The following CNTN6 variants were observed in gnomAD, a reference collection of about 807,000 sequenced individuals.
The protein encoded by CNTN6 is contactin-6.
A neutral mutation model predicts 122.8 loss-of-function variants in CNTN6; 137 were observed. The observed-to-expected ratio is 1.12, with a 90% CI of 0.97 to 1.29. The LOEUF is 1.29. Among genes scored for constraint, CNTN6 ranks in the 50% most tolerant of loss-of-function variants. CNTN6 has a pLI of 0.00. For missense variants in CNTN6, 1,634 were observed against 1,223.4 expected (o/e 1.34, Z -5.01); for synonymous variants, 570 against 426.0 (o/e 1.34, Z -4.16).
At chr3:1,309,829 G>A (rs1269447106) in intron 7 of CNTN6, among the ~76,000 whole-genome samples, 2 of 152,044 alleles carry the variant, frequency 1.3e-5, no homozygotes, top group African/African-American at 4.8e-5. Flanking sequence ...ATAGTTTTCT[G>A]CATGTAAATT....
At chr3:1,302,916 C>G (rs1186536976) in intron 7 of CNTN6, among the ~76,000 whole-genome samples, 1 of 150,208 alleles carries the variant, frequency 6.7e-6, no homozygotes, top group East Asian at 2.0e-4. Flanking sequence ...AATCTCCCTT[C>G]TGTCCAAGTT....
At chr3:1,220,155 A>C (rs2094188027) in intron 2 of CNTN6, among the ~76,000 whole-genome samples, 1 of 151,926 alleles carries the variant, frequency 6.6e-6, no homozygotes, top group Non-Finnish European at 1.5e-5. Context: ...CAGGAGTTTG[A>C]GACCAGCTTG....
intron 2 of CNTN6, among the ~76,000 whole-genome samples, chr3:1,209,898 A>T (rs2094010687): frequency 6.6e-6 from 1 of 152,200 alleles, no homozygotes; most frequent in Non-Finnish European, 1.5e-5. Flanking sequence ...TCCCACATTC[A>T]GTTAACTGGC....
chr3:1,400,696 T>G (rs1341957848), intron 20 of CNTN6, among the ~76,000 whole-genome samples: 2 of 152,124 alleles, frequency 1.3e-5, no homozygotes, highest in African/African-American at 4.8e-5. Flanking sequence ...ATCAGCTTTC[T>G]CAGGGGAACT....
At chr3:1,263,996 G>T (rs2094888152) in intron 4 of CNTN6, among the ~76,000 whole-genome samples, 1 of 151,692 alleles carries the variant, frequency 6.6e-6, no homozygotes, top group Non-Finnish European at 1.5e-5. Flanking sequence ...AGAAGACCAA[G>T]GGCCATCGGG....
chr3:1,319,931 A>T (rs938589045), intron 7 of CNTN6, among the ~76,000 whole-genome samples: 1 of 151,658 alleles, frequency 6.6e-6, no homozygotes, highest in Non-Finnish European at 1.5e-5. Context: ...AATACATACA[A>T]CATATGCATT....
intron 10 of CNTN6, among the ~76,000 whole-genome samples, chr3:1,328,021 C>G (rs1284196453): frequency 6.6e-6 from 1 of 151,852 alleles, no homozygotes; most frequent in Middle Eastern, 3.2e-3. Flanking sequence ...ATCCTTTACA[C>G]CTTCCCTTCA....
At chr3:1,178,651 G>A (rs375504207) in intron 2 of CNTN6, among the ~76,000 whole-genome samples, 23 of 152,076 alleles carry the variant, frequency 1.5e-4, no homozygotes, top group African/African-American at 3.4e-4. Flanking sequence ...GCTGAAGCTC[G>A]ACATTTTGTC....
intron 2 of CNTN6, among the ~76,000 whole-genome samples, chr3:1,154,449 T>TTTTCTTTTC (rs1226653334): frequency 4.3e-5 from 6 of 140,134 alleles, no homozygotes; most frequent in African/African-American, 1.6e-4. Context: ...CTTTTCTTTC[T>TTTTCTTTTC]TTTTTTTTTT....
intron 1 of CNTN6, among the ~76,000 whole-genome samples, chr3:1,130,978 A>T (rs2092320702): frequency 6.6e-6 from 1 of 152,144 alleles, no homozygotes; most frequent in Non-Finnish European, 1.5e-5. Context: ...AGACAAAATC[A>T]TGGAATATTA....
At position 1,280,306 on chromosome 3, in the gene CNTN6, A is replaced by G. The variant is rs151169763; in HGVS notation, c.454+1798A>G. ...CCTATCACCATTAAAGGATATGTGG[A>G]TCTTTTAGTGTGTGAGGCCCTCATT... On this transcript the variant is annotated intron_variant, in intron 5 of 22. Coordinates refer to ENST00000446702, the MANE Select transcript of CNTN6 (RefSeq NM_001289080.2). 2.4e-3 allele frequency among the ~76,000 whole-genome samples: 372 copies of G among 152,086 alleles called. 6 individuals are homozygous for G. Among genetic ancestry groups the G allele is most frequent in the African/African-American group, 8.7e-3 (359 of 41,490 alleles).
rs1490102795 is a variant in CNTN6, at chr3:1,245,279, A to ATATATATAT, written c.358+17286_358+17287insTATATATAT. 4.3e-3 allele frequency among the ~76,000 whole-genome samples: 22 copies of ATATATATAT among 5,128 alleles called. 2 individuals carry two copies. The highest frequency in any genetic ancestry group is 9.2e-3 in the East Asian group (2 of 218). 3.4% of individuals were successfully genotyped at this position (5,128 alleles called of 152,430 possible). A position where few individuals can be genotyped will look rare whatever the true frequency, so the allele number is the denominator to read the frequency against. ...ATAACATATATATATATATATACAC[A>ATATATATAT]CACATATATATATAACATATATATA... is the stretch of plus-strand genomic sequence containing the variant. On this transcript the variant is annotated intron_variant, in intron 4 of 22. Transcript: ENST00000446702.
At chr3:1,401,644 A>G in intron 21 of CNTN6, 99 bp downstream of exon 21, 1 of 718,990 alleles carries the variant, frequency 1.4e-6, no homozygotes. Flanking sequence ...ATATGGAAAC[A>G]CTGGAATCTT....
chr3:1,188,662 A>G (rs2093660675), intron 2 of CNTN6, among the ~76,000 whole-genome samples: 1 of 152,228 alleles, frequency 6.6e-6, no homozygotes, highest in South Asian at 2.1e-4. Context: ...TGTAATATCA[A>G]AAGTGAATAT....
At chr3:1,281,705 TG>T (rs1319401264) in intron 5 of CNTN6, among the ~76,000 whole-genome samples, 2 of 152,168 alleles carry the variant, frequency 1.3e-5, no homozygotes, top group East Asian at 3.9e-4. Context: ...CCCAAAGTGC[TG>T]GGATTACAGG....
chr3:1,402,427 C>A lies in CNTN6; in HGVS notation c.2927C>A (p.Thr976Lys). The A allele has an allele frequency of 6.2e-7, 1 of 1,612,328 alleles. No homozygotes were observed. The highest frequency in any genetic ancestry group is 1.1e-5 in the South Asian group (1 of 90,962). ...GAAGACTACTTAATTGAAATAAGAA[C>A]AGTCAGTGATGGTGGAGATGGAAGC... ...FEEDYLIEIRTVSDGGDGSSS... is the reference protein window; with the variant it reads ...FEEDYLIEIRKVSDGGDGSSS... The change falls in exon 22 of 23, where the codon ACA becomes AAA. Residue 976 changes from threonine to lysine, a missense_variant. Thr to Lys is a moderately conservative substitution (Grantham distance 78). Coordinates refer to ENST00000446702, the MANE Select transcript of CNTN6 (RefSeq NM_001289080.2).
At chr3:1,337,157 T>C (rs762443839) in intron 11 of CNTN6, among the ~76,000 whole-genome samples, 1 of 152,150 alleles carries the variant, frequency 6.6e-6, no homozygotes, top group Non-Finnish European at 1.5e-5. Flanking sequence ...TGCTAAGTTA[T>C]GTGGACAAAG....
At chr3:1,133,014 CA>C (rs1288162445) in intron 1 of CNTN6, among the ~76,000 whole-genome samples, 1 of 152,046 alleles carries the variant, frequency 6.6e-6, no homozygotes, top group Non-Finnish European at 1.5e-5. Flanking sequence ...CCCACTCATT[CA>C]TTGAATAAAT....
chr3:1,177,378 T>C (rs949408191), intron 2 of CNTN6, among the ~76,000 whole-genome samples: 1 of 152,188 alleles, frequency 6.6e-6, no homozygotes, highest in Admixed American at 6.5e-5. Context: ...AATAATGCTG[T>C]GGAATTTAGG....
Sources: allele counts gnomAD v4.1 joint callset (sites outside exome capture counted in the v4.1 genomes callset), GRCh38; gene constraint gnomAD v4.1.1; transcripts MANE v1.5; gene names NCBI Gene and HGNC (gene_info 2026-07-23, HGNC 2026-07-21).